The following MTSS2 variants were observed in gnomAD, a reference collection of about 807,000 sequenced individuals.
The protein encoded by MTSS2 is MTSS I-BAR domain containing 2.
Under a neutral mutation model 67.1 loss-of-function variants are expected in MTSS2, and 27 were observed. That is an observed-to-expected ratio of 0.40 (90% CI 0.30 to 0.55). The LOEUF is 0.55. Ranked by LOEUF, MTSS2 falls within the 20% of genes least tolerant of loss-of-function variation. The probability of loss-of-function intolerance (pLI) is 0.43; values close to 1 mark genes in which losing one functional copy is unlikely to be tolerated. For missense variants in MTSS2, 1,171 were observed against 1,067.8 expected (o/e 1.10, Z -1.35); for synonymous variants, 624 against 468.6 (o/e 1.33, Z -4.28).
In MTSS2 at chr16:70,663,799, G is replaced by T. The variant is rs767996954; in HGVS notation, c.2122C>A (p.Pro708Thr). The T allele has an allele frequency of 1.3e-6, 2 of 1,521,818 alleles. No individual in the cohort carries two copies. Among genetic ancestry groups the T allele is most frequent in the South Asian group, 1.2e-5 (1 of 81,576 alleles). The allele number at this position is 1,521,818 out of a possible 1,614,324, so 94.3% of individuals were successfully genotyped here. Residue 708 changes from proline (P) to threonine (T), a missense_variant, in exon 15 of 15, where the codon CCC (proline) becomes ACC (threonine). This residue lies in a region of MTSS2 where 924 missense variants were observed against 756.0 expected (regional missense o/e 1.22). Coordinates refer to ENST00000338779, the MANE Select transcript of MTSS2 (RefSeq NM_138383.3). ...ALSATPTEET[P>T]TPPPAATSDP... Reference sequence around the variant, plus strand: ...CTGGTGGCGGCTGGGGGTGGGGTGGGCGTCTCCTCCGTGGGGGTGGCCGAC... The same window carrying T: ...CTGGTGGCGGCTGGGGGTGGGGTGGTCGTCTCCTCCGTGGGGGTGGCCGAC...
In MTSS2 at chr16:70,674,455, T is replaced by C. The variant is rs1189056612; in HGVS notation, c.904A>G (p.Ser302Gly). The C allele has an allele frequency of 1.2e-6, 2 of 1,613,996 alleles. No homozygotes were observed. Among genetic ancestry groups the C allele is most frequent in the South Asian group, 1.1e-5 (1 of 91,082 alleles). Residue 302 changes from serine to glycine, a missense_variant, in exon 11 of 15, where the codon AGT (serine) becomes GGT (glycine). Physicochemically the swap from Ser to Gly is moderately conservative, Grantham distance 56. Transcript: ENST00000338779. The part of the protein sequence containing the change: ...WPGGAQTYSP[S>G]STCRYRSLAQ... ...AGGCTGCGGTAGCGACAGGTGGAAC[T>C]GGGTGAGTATGTTTGGGCACCCCCA...
chr16:70,667,575 CA>C (rs1238872270), intron 11 of MTSS2, among the ~76,000 whole-genome samples: 6 of 151,974 alleles, frequency 3.9e-5, no homozygotes, highest in African/African-American at 1.5e-4. Context: ...GATCTTTACA[CA>C]AAAACTACAG....
intron 14 of MTSS2, 42 bp downstream of exon 14, chr16:70,664,556 G>T: frequency 6.2e-7 from 1 of 1,600,884 alleles, no homozygotes; most frequent in Non-Finnish European, 8.5e-7. Context: ...GGATGGCTAA[G>T]TCCCAGCTGT....
At position 70,679,955 on chromosome 16, in the gene MTSS2, C is replaced by T; in HGVS notation, c.290+16G>A. The stretch of plus-strand genomic sequence containing the variant: ...CCGTCCCCCCGCCCCCCTGCCCGCC[C>T]GCAGCGCCCACTCACTTGGTGAACT... On this transcript the variant is annotated intron_variant, in intron 4 of 14. Transcript: ENST00000338779. 1 of 1,481,102 alleles carries T rather than the reference C, an allele frequency of 6.8e-7. No individual in the cohort carries two copies. 91.7% of individuals were successfully genotyped at this position (1,481,102 alleles called of 1,614,324 possible). A position where few individuals can be genotyped will look rare whatever the true frequency, so the allele number is the denominator to read the frequency against.
chr16:70,667,743 CAT>C (rs1018577492), intron 11 of MTSS2, among the ~76,000 whole-genome samples: 4 of 151,936 alleles, frequency 2.6e-5, no homozygotes, highest in Admixed American at 2.6e-4. Context: ...CGTGGTGGTA[CAT>C]GTCTATAATT....
At chr16:70,664,517 G>T in intron 14 of MTSS2, 68 bp from the exon 15 acceptor site, 1 of 1,568,732 alleles carries the variant, frequency 6.4e-7, no homozygotes, top group Non-Finnish European at 8.7e-7. Flanking sequence ...ACCAGGGTGA[G>T]CACAGAGGGG....
intron 11 of MTSS2, among the ~76,000 whole-genome samples, chr16:70,668,919 A>T (rs2052821248): frequency 6.6e-6 from 1 of 152,174 alleles, no homozygotes; most frequent in Admixed American, 6.5e-5. Flanking sequence ...ACGGCAGTCC[A>T]AATTGACTAA....
Position 70,685,784 on chromosome 16 carries a change from G to A in MTSS2, c.8C>T (p.Thr3Met). ...CAGGGCGCCGCACTCCTTCTCCGCC[G>A]TCTCCATGCTCTGGCTGGGCCGGGC... ME[T>M]AEKECGALGG... Residue 3 changes from threonine to methionine, a missense_variant, in exon 1 of 15, where the codon ACG becomes ATG. Physicochemically the swap from Thr to Met is moderately conservative, Grantham distance 81. Around this residue, in one of 2 missense-constraint regions of MTSS2, gnomAD observed 247 missense variants for 311.8 expected, o/e 0.79. Transcript: ENST00000338779. The A allele has an allele frequency of 2.2e-6, 3 of 1,371,572 alleles. No individual in the cohort carries two copies. Among genetic ancestry groups the A allele is most frequent in the South Asian group, 1.4e-5 (1 of 73,734 alleles). 85.0% of individuals were successfully genotyped at this position (1,371,572 alleles called of 1,614,324 possible). A position where few individuals can be genotyped will look rare whatever the true frequency, so the allele number is the denominator to read the frequency against.
Position 70,674,510 on chromosome 16 carries a change from G to C in MTSS2, c.849C>G (p.Ser283Arg). Residue 283 changes from serine to arginine, a missense_variant, in exon 11 of 15, where the codon AGC becomes AGG. Ser to Arg is a moderately radical substitution (Grantham distance 110). This residue lies in a region of MTSS2 where 924 missense variants were observed against 756.0 expected (regional missense o/e 1.22). Coordinates refer to ENST00000338779, the MANE Select transcript of MTSS2 (RefSeq NM_138383.3). ...ATGGGGCTCCGCCACCCTTGGCACT[G>C]CTACTGCTGCTGGGGGCACTAGGGG... ...SSMCSAPSSS[S>R]SAKGGGAPWP... is the part of the protein sequence containing the mutation. 1 of 1,613,462 alleles carries C rather than the reference G, an allele frequency of 6.2e-7. No individual in the cohort carries two copies. The highest frequency in any genetic ancestry group is 8.5e-7 in the Non-Finnish European group (1 of 1,179,996).
At position 70,663,118 on chromosome 16, in the gene MTSS2, C is replaced by G. The variant is rs1159216040; in HGVS notation, c.*559G>C. 2 of 153,436 alleles carry G rather than the reference C, an allele frequency of 1.3e-5. No homozygotes were observed. Among genetic ancestry groups the G allele is most frequent in the African/African-American group, 4.8e-5 (2 of 41,490 alleles). 9.5% of individuals were successfully genotyped at this position (153,436 alleles called of 1,614,324 possible). On this transcript the variant is annotated 3_prime_UTR_variant, in exon 15 of 15. Coordinates refer to ENST00000338779, the MANE Select transcript of MTSS2 (RefSeq NM_138383.3). ...CACGGGGGGCCTGGCCGCCCAACTC[C>G]AACCTGCCGCCCTGGCCCCCAGCCC...
At chr16:70,673,478 G>A (rs1280168873) in intron 11 of MTSS2, among the ~76,000 whole-genome samples, 2 of 152,166 alleles carry the variant, frequency 1.3e-5, no homozygotes, top group Non-Finnish European at 2.9e-5. Context: ...CTTTCAAGAA[G>A]AGGACAAAAT....
rs138942363 is a variant in MTSS2 at position 70,662,127 on chromosome 16, C to A, written c.*1550G>T. The A allele has an allele frequency of 5.5e-3, 831 of 152,304 alleles. 6 individuals are homozygous for A. Among genetic ancestry groups the A allele is most frequent in the Non-Finnish European group, 9.7e-3 (664 of 68,126 alleles). 9.4% of individuals were successfully genotyped at this position (152,304 alleles called of 1,614,324 possible). A position where few individuals can be genotyped will look rare whatever the true frequency, so the allele number is the denominator to read the frequency against. The stretch of plus-strand genomic sequence containing the variant: ...TGCCCGGACCTACCCAGGAGCTGCC[C>A]AGCTCACCGCACAAGAACTCCCAGG... On this transcript the variant is annotated 3_prime_UTR_variant, in exon 15 of 15. Coordinates refer to ENST00000338779, the MANE Select transcript of MTSS2 (RefSeq NM_138383.3).
At chr16:70,678,512 C>T in intron 7 of MTSS2, 103 bp from the exon 8 acceptor site, 1 of 1,399,456 alleles carries the variant, frequency 7.1e-7, no homozygotes. Flanking sequence ...GGCCGTTGGG[C>T]TGGGTGTTGC....
intron 10 of MTSS2, among the ~76,000 whole-genome samples, 193 bp from the exon 11 acceptor site, chr16:70,674,721 G>C (rs752648148): frequency 2.0e-5 from 3 of 152,178 alleles, no homozygotes; most frequent in Non-Finnish European, 4.4e-5. Context: ...GAAGGGGAGG[G>C]CCAGAGCAGG....
intron 11 of MTSS2, among the ~76,000 whole-genome samples, chr16:70,666,613 C>T (rs1046363174): frequency 3.9e-5 from 6 of 152,174 alleles, no homozygotes; most frequent in African/African-American, 1.4e-4. Flanking sequence ...CCCAGATTTC[C>T]TGCAGATTCG....
Position 70,679,856 on chromosome 16 carries a change from G to A in MTSS2, c.312C>T (p.Ile104=), listed in dbSNP as rs372884487. 4.4e-6 allele frequency: 7 copies of A among 1,603,468 alleles called. No homozygotes were observed. Among genetic ancestry groups the A allele is most frequent in the Non-Finnish European group, 5.9e-6 (7 of 1,179,368 alleles). ...CCTCGATGCGCTCCTGCAGCGGGTT[G>A]ATGAGGCTCTCCAGCAGTGCGCTGC... ...QFTNALLESL[I]NPLQERIEDW... is the part of the protein sequence containing the mutation. Residue 104 remains isoleucine (I), a synonymous_variant, in exon 5 of 15, where the codon ATC becomes ATT. Transcript: ENST00000338779.
At chr16:70,678,012 G>A (rs1597821042) in intron 8 of MTSS2, 113 bp from the exon 9 acceptor site, 7 of 1,000,740 alleles carry the variant, frequency 7.0e-6, no homozygotes, top group Non-Finnish European at 8.9e-6. Flanking sequence ...ACCCCTCCTC[G>A]CTAACCAATG....
intron 14 of MTSS2, 35 bp downstream of exon 14, chr16:70,664,563 C>T (rs1363146438): frequency 5.6e-6 from 9 of 1,602,676 alleles, no homozygotes; most frequent in African/African-American, 2.7e-5. Context: ...TAAGTCCCAG[C>T]TGTCCCTGGT....
rs372815907 is a variant in MTSS2, at chr16:70,663,962, G to A, written c.1959C>T (p.Ala653=). 6.1e-5 allele frequency: 95 copies of A among 1,568,092 alleles called. No homozygotes were observed. The African/African-American group carries it at 1.0e-3, about 17-fold the overall frequency. The change falls in exon 15 of 15, where the codon GCC becomes GCT. Residue 653 remains alanine (A), a synonymous_variant. Transcript: ENST00000338779. ...TAWGSPSPEA[A]GYPGAGAEDE... ...CCTCGGCCCCTGCCCCGGGGTACCC[G>A]GCTGCCTCTGGGGATGGGCTGCCCC... is the stretch of plus-strand genomic sequence containing the variant.
Sources: allele counts gnomAD v4.1 joint callset (sites outside exome capture counted in the v4.1 genomes callset), GRCh38; gene constraint gnomAD v4.1.1; regional missense constraint gnomAD v4.1.1; transcripts MANE v1.5; gene names NCBI Gene and HGNC (gene_info 2026-07-23, HGNC 2026-07-21).